SFXN2: variants seen among roughly 807,000 people sequenced by gnomAD.
SFXN2 encodes the protein sideroflexin-2.
SFXN2 carries 37 observed loss-of-function variants against 41.9 expected under a neutral mutation model. The ratio of observed to expected loss-of-function variants is 0.88; its 90% CI spans 0.68 to 1.16. The LOEUF (loss-of-function observed/expected upper bound fraction) is 1.16, where lower values mean the gene tolerates loss of function less well. SFXN2 is among the 50% of genes most tolerant of loss of function. The pLI, the probability that SFXN2 is intolerant of heterozygous loss-of-function variation, is 0.00. For synonymous variants in SFXN2, 150 were observed against 156.7 expected (o/e 0.96, Z 0.32); for missense variants, 386 against 425.2 (o/e 0.91, Z 0.81).
In SFXN2 at chr10:102,733,536, T is replaced by C. The variant is rs773346805; in HGVS notation, c.772-18T>C. On this transcript the variant is annotated intron_variant, in intron 9 of 11. Transcript: ENST00000369893. ...TAGAAGTACCATGTGGATCTGTCTT[T>C]TATTTGTTTTTATACAGAAAGTCAA... 2 of 1,609,196 alleles carry C rather than the reference T, an allele frequency of 1.2e-6. No individual in the cohort carries two copies.
intron 1 of SFXN2, among the ~76,000 whole-genome samples, chr10:102,719,373 C>T (rs1268678800): frequency 6.6e-6 from 1 of 151,852 alleles, no homozygotes; most frequent in African/African-American, 2.4e-5. Context: ...AGGTGCCTGC[C>T]ACCACGCCCA....
At chr10:102,728,691 G>A (rs1015438438) in intron 4 of SFXN2, 162 bp downstream of exon 4, 11 of 609,878 alleles carry the variant, frequency 1.8e-5, no homozygotes, top group African/African-American at 1.7e-4. Flanking sequence ...GAGTAGGGGT[G>A]GATCTTCTTC....
chr10:102,726,648 C>G lies in SFXN2; in HGVS notation c.12C>G (p.Asp4Glu). Residue 4 changes from aspartate to glutamate, a missense_variant, in exon 2 of 12, where the codon GAC (aspartate) becomes GAG (glutamate). Physicochemically the swap from Asp to Glu is conservative, Grantham distance 45. Transcript: ENST00000369893. ...TATGTGTGAGCAAGATGGAGGCTGACCTGTCTGGCTTTAACATCGATGCCC... is the reference window on the plus strand; with the variant it reads ...TATGTGTGAGCAAGATGGAGGCTGAGCTGTCTGGCTTTAACATCGATGCCC... MEA[D>E]LSGFNIDAPR... 6.2e-7 allele frequency: 1 copy of G among 1,614,182 alleles called. No homozygotes were observed. Among genetic ancestry groups the G allele is most frequent in the South Asian group, 1.1e-5 (1 of 91,086 alleles).
At position 102,734,035 on chromosome 10, in the gene SFXN2, G is replaced by A. The variant is rs183700816; in HGVS notation, c.821+432G>A. Among the ~76,000 whole-genome samples the A allele has an allele frequency of 2.6e-5, 4 of 152,038 alleles. No individual in the cohort carries two copies. In the East Asian group the frequency reaches 5.8e-4, roughly 22 times the overall value. On this transcript the variant is annotated intron_variant, in intron 10 of 11. Coordinates refer to ENST00000369893, the MANE Select transcript of SFXN2 (RefSeq NM_178858.6). The surrounding 1 kb of genome is among the most constrained non-coding windows in gnomAD (Gnocchi z 4.1). ...CCTGAGTAGCTGGGATTACAGGCAC[G>A]CACCATGATGCCTTGCTAATTTTTG...
In SFXN2 at chr10:102,740,929, C is replaced by T. The variant is rs1842778234; in HGVS notation, c.*3167C>T. ...TACAATGTTTCCCCTTCCTTCTCAG[C>T]TCCTCAAGCCTCTTGGATTTCCTGT... is the stretch of plus-strand genomic sequence containing the variant. On this transcript the variant is annotated 3_prime_UTR_variant, in exon 12 of 12. Coordinates refer to ENST00000369893, the MANE Select transcript of SFXN2 (RefSeq NM_178858.6). 6.6e-6 allele frequency: 1 copy of T among 152,200 alleles called. No individual in the cohort carries two copies. The highest frequency in any genetic ancestry group is 1.5e-5 in the Non-Finnish European group (1 of 68,040). 9.4% of individuals were successfully genotyped at this position (152,200 alleles called of 1,614,324 possible).
chr10:102,729,402 C>T lies in SFXN2; in HGVS notation c.507+8C>T. 6.2e-7 allele frequency: 1 copy of T among 1,613,880 alleles called. No individual in the cohort carries two copies. The highest frequency in any genetic ancestry group is 8.5e-7 in the Non-Finnish European group (1 of 1,179,910). Reference sequence around the variant, plus strand: ...ATGAACATGTTGACAAAGGTATGGTCTGGGGCCGCTGCAGCATGGTGGCCA... The same window carrying T: ...ATGAACATGTTGACAAAGGTATGGTTTGGGGCCGCTGCAGCATGGTGGCCA... On this transcript the variant is annotated splice_region_variant and intron_variant, in intron 5 of 11. Coordinates refer to ENST00000369893, the MANE Select transcript of SFXN2 (RefSeq NM_178858.6).
In SFXN2 at chr10:102,718,918, C is replaced by CTTTTT. The variant is rs34471332; in HGVS notation, c.-26+4257_-26+4261dup. On this transcript the variant is annotated intron_variant, in intron 1 of 11. Coordinates refer to ENST00000369893, the MANE Select transcript of SFXN2 (RefSeq NM_178858.6). ...TTTGGGGGCTTCCTTTTCTCGGCTT[C>CTTTTT]TTTTTTTTTTTTTTTTTTTTTTTTG... Among the ~76,000 whole-genome samples the CTTTTT allele has an allele frequency of 2.3e-3, 174 of 74,276 alleles. 1 individual carries two copies. The highest frequency in any genetic ancestry group is 5.1e-3 in the African/African-American group (95 of 18,726). 48.7% of individuals were successfully genotyped at this position (74,276 alleles called of 152,430 possible).
rs1590158328 is a variant in SFXN2, at chr10:102,738,157, T to G, written c.*395T>G. ...CTTCTATACCTCTTTCTTCTTCGCT[T>G]CCTCCTCTCCCAAGCAATGGAAACT... On this transcript the variant is annotated 3_prime_UTR_variant, in exon 12 of 12. Coordinates refer to ENST00000369893, the MANE Select transcript of SFXN2 (RefSeq NM_178858.6). The G allele has an allele frequency of 6.5e-6, 1 of 153,658 alleles. No individual in the cohort carries two copies. The highest frequency in any genetic ancestry group is 2.1e-4 in the South Asian group (1 of 4,860). 9.5% of individuals were successfully genotyped at this position (153,658 alleles called of 1,614,324 possible). A position where few individuals can be genotyped will look rare whatever the true frequency, so the allele number is the denominator to read the frequency against.
At chr10:102,731,404 C>T (rs1417957187) in intron 6 of SFXN2, among the ~76,000 whole-genome samples, 1 of 151,988 alleles carries the variant, frequency 6.6e-6, no homozygotes, top group Non-Finnish European at 1.5e-5. Context: ...AAGTGGGTGC[C>T]AGGATGATCC....
chr10:102,724,340 A>T (rs1238152388), intron 1 of SFXN2, among the ~76,000 whole-genome samples: 2 of 152,238 alleles, frequency 1.3e-5, no homozygotes, highest in Admixed American at 1.3e-4. Context: ...TCTACTGATG[A>T]GTCCATCCAA....
intron 1 of SFXN2, chr10:102,716,393 C>T (rs1312201602): frequency 6.6e-6 from 1 of 151,710 alleles, no homozygotes; most frequent in Non-Finnish European, 1.5e-5. Context: ...TAATCTTGTG[C>T]ACTTCTGCTT....
intron 1 of SFXN2, among the ~76,000 whole-genome samples, chr10:102,718,918 C>CTTTTTTTTTTTTTTTTTTT (rs34471332): frequency 1.3e-5 from 1 of 74,304 alleles, no homozygotes; most frequent in Non-Finnish European, 2.4e-5. Context: ...TTCTCGGCTT[C>CTTTTTTTTTTTTTTTTTTT]TTTTTTTTTT....
chr10:102,736,901 C>T (rs61869252), intron 11 of SFXN2, among the ~76,000 whole-genome samples: 115,057 of 150,824 alleles, frequency 0.76, 44,049 homozygotes, highest in Non-Finnish European at 0.77. Context: ...ACGCCTGTAA[C>T]CCCAGCACTT....
intron 1 of SFXN2, among the ~76,000 whole-genome samples, chr10:102,725,520 G>A (rs1255637322): frequency 6.6e-6 from 1 of 152,080 alleles, no homozygotes. Flanking sequence ...CCAGGAGTTC[G>A]AGGTTGCAGT....
At chr10:102,732,101 C>A in intron 7 of SFXN2, 51 bp from the exon 8 acceptor site, 1 of 1,552,310 alleles carries the variant, frequency 6.4e-7, no homozygotes, top group Non-Finnish European at 8.8e-7. Context: ...TGGTGCAGCA[C>A]ATGTACACTG....
At chr10:102,721,714 G>A (rs1267779069) in intron 1 of SFXN2, among the ~76,000 whole-genome samples, 1 of 151,410 alleles carries the variant, frequency 6.6e-6, no homozygotes, top group Non-Finnish European at 1.5e-5. Flanking sequence ...TCATAGCCAG[G>A]TGCAGTGGCA....
chr10:102,729,776 T>TAACTGTGTC lies in SFXN2; in HGVS notation c.564_572dup (p.Cys189_Asn191dup). 2 of 1,614,024 alleles carry TAACTGTGTC rather than the reference T, an allele frequency of 1.2e-6. No individual in the cohort carries two copies. Among genetic ancestry groups the TAACTGTGTC allele is most frequent in the Non-Finnish European group, 1.7e-6 (2 of 1,179,946 alleles). ...TGCCCTTTGCCGCTGTGGCTGCGGCTAACTGTGTCAATATCCCCATGATGC... is the reference window on the plus strand; with the variant it reads ...TGCCCTTTGCCGCTGTGGCTGCGGCTAACTGTGTCAACTGTGTCAATATCCCCATGATGC... On this transcript the variant is annotated inframe_insertion, in exon 6 of 12. Transcript: ENST00000369893.
At chr10:102,729,896 C>T (rs1223935196) in intron 6 of SFXN2, 88 bp downstream of exon 6, 4 of 1,435,986 alleles carry the variant, frequency 2.8e-6, no homozygotes, top group Non-Finnish European at 3.9e-6. Flanking sequence ...CTTCTGGGGA[C>T]TGCGGTGGGC....
chr10:102,729,221 ACGCACGAAGCCTCGCCAGC>A lies in SFXN2; in HGVS notation c.432-95_432-77del, dbSNP rs1286408599. ...TGGGGACAGATCCTGTGCGGTTTTC[ACGCACGAAGCCTCGCCAGC>A]CGACTTTCTCCCTGAAGCCCGTGGT... On this transcript the variant is annotated intron_variant, in intron 4 of 11. Transcript: ENST00000369893. 1.3e-4 allele frequency: 148 copies of A among 1,135,582 alleles called. 2 individuals are homozygous for A. In the Middle Eastern group the frequency reaches 2.4e-3, roughly 19 times the overall value. 70.3% of individuals were successfully genotyped at this position (1,135,582 alleles called of 1,614,324 possible). A position where few individuals can be genotyped will look rare whatever the true frequency, so the allele number is the denominator to read the frequency against.
Sources: gnomAD v4.1 joint callset for allele counts (sites outside exome capture counted in the v4.1 genomes callset) on GRCh38, gnomAD v4.1.1 for gene constraint, Gnocchi (gnomAD v3.1) non-coding constraint, MANE v1.5 for transcripts, NCBI Gene and HGNC (gene_info 2026-07-23, HGNC 2026-07-21) for gene names.